Variants in ABLIM3 observed in about 807,000 individuals in gnomAD.
ABLIM3 encodes actin-binding LIM protein 3.
In ABLIM3, 61 loss-of-function variants were observed where a neutral mutation model predicts 109.5. The ratio of observed to expected loss-of-function variants is 0.56; its 90% confidence interval spans 0.45 to 0.69. The LOEUF (loss-of-function observed/expected upper bound fraction) is 0.69, where lower values mean the gene tolerates loss of function less well. Among genes scored for constraint, ABLIM3 ranks in the 30% least tolerant of loss-of-function variants. ABLIM3 has a pLI of 0.00. For synonymous variants in ABLIM3, 300 were observed against 324.8 expected, an observed-to-expected ratio of 0.92 and a Z score of 0.82; for missense variants, 796 against 889.5, an observed-to-expected ratio of 0.89 and a Z score of 1.34.
chr5:149,154,396 A>G (rs751911420), intron 2 of ABLIM3, among the ~76,000 whole-genome samples: 87 of 152,234 alleles, frequency 5.7e-4, no homozygotes, highest in African/African-American at 2.1e-3. Context: ...TGGCAGAGAC[A>G]GAGCCTGGGC....
At chr5:149,215,732 A>G (rs765523742) in intron 7 of ABLIM3, among the ~76,000 whole-genome samples, 3 of 152,118 alleles carry the variant, frequency 2.0e-5, no homozygotes, top group African/African-American at 4.8e-5. Context: ...ATTTCTTCAA[A>G]CAAGGCCCAC....
chr5:149,210,667 A>G, intron 6 of ABLIM3, 59 bp from the exon 7 acceptor site: 1 of 1,460,626 alleles, frequency 6.8e-7, no homozygotes, highest in Non-Finnish European at 9.6e-7. Flanking sequence ...TCTAAATGCC[A>G]TGTGCACCCT....
At chr5:149,190,224 A>T (rs183568561) in intron 3 of ABLIM3, among the ~76,000 whole-genome samples, 25 of 152,292 alleles carry the variant, frequency 1.6e-4, no homozygotes, top group Middle Eastern at 3.4e-3. Context: ...GAAGATAAGG[A>T]GTGATTTGTA....
intron 14 of ABLIM3, 105 bp from the exon 15 acceptor site, chr5:149,242,386 T>C: frequency 8.5e-7 from 1 of 1,172,560 alleles, no homozygotes; most frequent in Non-Finnish European, 1.3e-6. Flanking sequence ...TTGTTGCCCA[T>C]CTCTCTCTTC....
intron 2 of ABLIM3, among the ~76,000 whole-genome samples, chr5:149,168,645 T>C (rs376614625): frequency 6.6e-6 from 1 of 152,210 alleles, no homozygotes; most frequent in East Asian, 1.9e-4. Flanking sequence ...TCTAGCTGTA[T>C]TGGGACATTT....
At chr5:149,242,242 T>C (rs2289283) in intron 14 of ABLIM3, among the ~76,000 whole-genome samples, 68,160 of 152,028 alleles carry the variant, frequency 0.45, 15,605 homozygotes, top group East Asian at 0.59. Context: ...GCCCCAGGTC[T>C]CTTCCTCGGC....
intron 2 of ABLIM3, among the ~76,000 whole-genome samples, chr5:149,169,095 C>CACTGACTTTG (rs1561547262): frequency 2.0e-5 from 3 of 150,190 alleles, no homozygotes; most frequent in African/African-American, 7.4e-5. Flanking sequence ...ACCCCCCCAC[C>CACTGACTTTG]CCCCGTCTCA....
chr5:149,229,599 AT>A lies in ABLIM3; in HGVS notation c.758-1049del, dbSNP rs145905227. 1.9e-3 allele frequency among the ~76,000 whole-genome samples: 297 copies of A among 152,378 alleles called. 2 individuals carry two copies. Among genetic ancestry groups the A allele is most frequent in the African/African-American group, 6.6e-3 (274 of 41,592 alleles). On this transcript the variant is annotated intron_variant, in intron 8 of 23. Transcript: ENST00000309868. ...TCCTGGGGGTTCCAGGCAACAAAGC[AT>A]AATATAAAGTATATCCTAGAGACAA...
rs111421465 is a variant in ABLIM3 at position 149,198,151 on chromosome 5, C to T, written c.152-68C>T. 1.2e-3 allele frequency: 1,738 copies of T among 1,476,526 alleles called. 19 individuals are homozygous for T. In the African/African-American group the frequency reaches 0.021, roughly 18 times the overall value. 91.5% of individuals were successfully genotyped at this position (1,476,526 alleles called of 1,614,324 possible). On this transcript the variant is annotated intron_variant, in intron 3 of 23. Coordinates refer to ENST00000309868, the MANE Select transcript of ABLIM3 (RefSeq NM_014945.5). This position sits in a 1 kb window ranked among gnomAD's most constrained non-coding sequence, Gnocchi z 4.2. ...AGTGAGACACCAGCCTTTCCCCCAGCGAGGACCTTCTGCTTACAGACCCTC... is the reference window on the plus strand; with the variant it reads ...AGTGAGACACCAGCCTTTCCCCCAGTGAGGACCTTCTGCTTACAGACCCTC...
intron 2 of ABLIM3, among the ~76,000 whole-genome samples, chr5:149,158,021 G>A (rs571180927): frequency 1.3e-5 from 2 of 152,222 alleles, no homozygotes; most frequent in Admixed American, 6.5e-5. Context: ...CCATCTTTAG[G>A]CTTAAATATT....
intron 14 of ABLIM3, among the ~76,000 whole-genome samples, chr5:149,241,027 G>T (rs560032292): frequency 1.3e-4 from 20 of 152,342 alleles, no homozygotes; most frequent in Non-Finnish European, 4.4e-5. Context: ...CAGGGAGCTC[G>T]AGTGAGATAC....
At chr5:149,186,173 T>C (rs1402308771) in intron 3 of ABLIM3, among the ~76,000 whole-genome samples, 2 of 152,140 alleles carry the variant, frequency 1.3e-5, no homozygotes, top group Admixed American at 6.5e-5. Context: ...CCCAGCAGTT[T>C]GGGAGGCTGA....
chr5:149,192,624 CAA>C (rs1248511036), intron 3 of ABLIM3, among the ~76,000 whole-genome samples: 1 of 50,192 alleles, frequency 2.0e-5, no homozygotes, highest in Non-Finnish European at 4.2e-5. Context: ...GACTCCGTCT[CAA>C]AAAAAAAAAA....
In ABLIM3 at chr5:149,225,621, G is replaced by T. The variant is rs569240708; in HGVS notation, c.758-5028G>T. On this transcript the variant is annotated intron_variant, in intron 8 of 23. Transcript: ENST00000309868. Reference sequence around the variant, plus strand: ...CAGGATGGTGTTTGGAAGTTCTTCAGTGACGTTTTGTGAGATTTTAGTGCA... The same window carrying T: ...CAGGATGGTGTTTGGAAGTTCTTCATTGACGTTTTGTGAGATTTTAGTGCA... 1.9e-4 allele frequency among the ~76,000 whole-genome samples: 29 copies of T among 152,182 alleles called. No individual in the cohort carries two copies. The South Asian group carries it at 6.0e-3, about 32-fold the overall frequency.
chr5:149,154,806 C>T (rs1366746269), intron 2 of ABLIM3, among the ~76,000 whole-genome samples: 1 of 152,230 alleles, frequency 6.6e-6, no homozygotes, highest in Admixed American at 6.5e-5. Flanking sequence ...GTCCTGCACA[C>T]TCAACATGGT....
At chr5:149,246,454 G>A (rs373391833) in intron 16 of ABLIM3, 28 bp from the exon 17 acceptor site, 36 of 1,612,836 alleles carry the variant, frequency 2.2e-5, no homozygotes, top group South Asian at 4.4e-5. Flanking sequence ...TGCACATGCC[G>A]GAGCTGATCT....
chr5:149,163,755 TG>T lies in ABLIM3; in HGVS notation c.14-19691del, dbSNP rs1252031685. Among the ~76,000 whole-genome samples the T allele has an allele frequency of 3.3e-5, 5 of 152,242 alleles. No homozygotes were observed. The East Asian group carries it at 9.7e-4, about 29-fold the overall frequency. On this transcript the variant is annotated intron_variant, in intron 2 of 23. Coordinates refer to ENST00000309868, the MANE Select transcript of ABLIM3 (RefSeq NM_014945.5). ...GGGTAGGGACTTCATCATGTGAATT[TG>T]GGGGGTGAGAGAGACAGGGACAGGA... is the stretch of plus-strand genomic sequence containing the variant.
chr5:149,200,994 T>C (rs1758433445), intron 5 of ABLIM3, among the ~76,000 whole-genome samples: 1 of 152,102 alleles, frequency 6.6e-6, no homozygotes, highest in African/African-American at 2.4e-5. Flanking sequence ...GCTTCCTGGG[T>C]GATTCATTTG....
intron 2 of ABLIM3, among the ~76,000 whole-genome samples, chr5:149,148,863 C>T (rs960889153): frequency 6.6e-6 from 1 of 152,140 alleles, no homozygotes; most frequent in African/African-American, 2.4e-5. Context: ...CCACTAGCAC[C>T]AGCCCCTCTG....
Sources: allele counts gnomAD v4.1 joint callset (sites outside exome capture counted in the v4.1 genomes callset), GRCh38; gene constraint gnomAD v4.1.1; non-coding constraint Gnocchi (gnomAD v3.1); transcripts MANE v1.5; gene names NCBI Gene and HGNC (gene_info 2026-07-23, HGNC 2026-07-21).